The following EPB41L4A variants were observed in gnomAD, a reference collection of about 807,000 sequenced individuals.
EPB41L4A encodes the protein erythrocyte membrane protein band 4.1 like 4A, also known as band 4.1-like protein 4A.
In EPB41L4A, 100 loss-of-function variants were observed where a neutral mutation model predicts 108.6. The observed-to-expected ratio is 0.92, with a 90% confidence interval of 0.78 to 1.09. The LOEUF (loss-of-function observed/expected upper bound fraction) is 1.09, where lower values mean the gene tolerates loss of function less well. Ranked by LOEUF, EPB41L4A falls within the 50% of genes least tolerant of loss-of-function variation. EPB41L4A has a pLI of 0.00. For missense variants in EPB41L4A, 1,030 were observed against 842.7 expected (o/e 1.22, Z -2.75); for synonymous variants, 319 against 289.0 (o/e 1.10, Z -1.05).
At chr5:112,415,033 CTT>C (rs1186536118) in intron 1 of EPB41L4A, among the ~76,000 whole-genome samples, 2 of 152,170 alleles carry the variant, frequency 1.3e-5, no homozygotes, top group Non-Finnish European at 2.9e-5. Flanking sequence ...CACATATAAA[CTT>C]AATATAATTT....
chr5:112,277,384 T>C (rs1580592164), intron 3 of EPB41L4A, among the ~76,000 whole-genome samples: 1 of 152,358 alleles, frequency 6.6e-6, no homozygotes, highest in East Asian at 1.9e-4. Context: ...AACATTAGGT[T>C]TTGGCTAATT....
At chr5:112,205,014 T>A (rs1762404424) in intron 14 of EPB41L4A, among the ~76,000 whole-genome samples, 1 of 152,186 alleles carries the variant, frequency 6.6e-6, no homozygotes, top group Non-Finnish European at 1.5e-5. Flanking sequence ...TGACCAGAGA[T>A]ACACTAGACA....
intron 1 of EPB41L4A, among the ~76,000 whole-genome samples, chr5:112,409,923 A>G (rs1403514792): frequency 6.6e-6 from 1 of 152,228 alleles, no homozygotes; most frequent in Non-Finnish European, 1.5e-5. Flanking sequence ...AGATTTGTCT[A>G]TGACAAAAGC....
chr5:112,347,143 A>G (rs1427420367), intron 1 of EPB41L4A, among the ~76,000 whole-genome samples: 1 of 152,218 alleles, frequency 6.6e-6, no homozygotes, highest in Non-Finnish European at 1.5e-5. Flanking sequence ...TCAGCTAACC[A>G]CAAAAGTGGG....
At chr5:112,222,669 C>T (rs1240365153) in intron 12 of EPB41L4A, among the ~76,000 whole-genome samples, 1 of 152,230 alleles carries the variant, frequency 6.6e-6, no homozygotes, top group African/African-American at 2.4e-5. Flanking sequence ...CTGTTCAAAG[C>T]TGTACCTGGT....
intron 9 of EPB41L4A, among the ~76,000 whole-genome samples, chr5:112,243,057 T>C (rs1345240929): frequency 6.6e-6 from 1 of 151,794 alleles, no homozygotes; most frequent in Non-Finnish European, 1.5e-5. Context: ...CTACTAAAAA[T>C]ACAGAAATTA....
In EPB41L4A at chr5:112,240,734, T is replaced by C; in HGVS notation, c.872A>G (p.His291Arg). 1 of 1,557,120 alleles carries C rather than the reference T, an allele frequency of 6.4e-7. No individual in the cohort carries two copies. The highest frequency in any genetic ancestry group is 1.4e-5 in the African/African-American group (1 of 71,220). ...CKHLWKCSVE[H>R]HTFFRMPENE... ...ATCAATTTACCTAAAAAATGTATGA[T>C]GTTCCACACTGCACTTCCAGAGGTG... The change falls in exon 10 of 23, where the codon CAT becomes CGT. Residue 291 changes from histidine to arginine, a missense_variant. His to Arg is a conservative substitution (Grantham distance 29). Transcript: ENST00000261486.
At chr5:112,222,637 CT>C (rs1447713924) in intron 12 of EPB41L4A, among the ~76,000 whole-genome samples, 7 of 152,236 alleles carry the variant, frequency 4.6e-5, no homozygotes, top group Admixed American at 1.3e-4. Context: ...CTCCATTCTT[CT>C]TTCTCTGCAA....
chr5:112,190,105 T>TTA, intron 17 of EPB41L4A, among the ~76,000 whole-genome samples: 1 of 152,156 alleles, frequency 6.6e-6, no homozygotes, highest in Non-Finnish European at 1.5e-5. Flanking sequence ...TAGATTAACT[T>TTA]TATAGTGCCT....
intron 9 of EPB41L4A, among the ~76,000 whole-genome samples, chr5:112,245,748 C>T (rs1479541790): frequency 1.3e-5 from 2 of 152,208 alleles, no homozygotes; most frequent in East Asian, 3.8e-4. Context: ...TCTACTCACA[C>T]AGGTGATCTC....
chr5:112,280,423 A>T (rs1668676122), intron 2 of EPB41L4A, 100 bp from the exon 3 acceptor site: 9 of 1,135,638 alleles, frequency 7.9e-6, no homozygotes, highest in Non-Finnish European at 1.1e-5. Context: ...ACATTTTAAA[A>T]CTTGGTCAGT....
intron 12 of EPB41L4A, among the ~76,000 whole-genome samples, chr5:112,147,952 T>C (rs1309081682): frequency 6.7e-6 from 1 of 150,262 alleles, no homozygotes; most frequent in Non-Finnish European, 1.5e-5. Flanking sequence ...GGCAGGAGAA[T>C]TGCATGAACC....
At chr5:112,264,794 A>G in intron 6 of EPB41L4A, 102 bp downstream of exon 6, 1 of 1,170,700 alleles carries the variant, frequency 8.5e-7, no homozygotes, top group Non-Finnish European at 1.2e-6. Context: ...AGAATATTAA[A>G]TGCACAGGTG....
At chr5:112,156,447 G>A (rs185111550) in intron 12 of EPB41L4A, among the ~76,000 whole-genome samples, 28 of 152,168 alleles carry the variant, frequency 1.8e-4, no homozygotes, top group African/African-American at 6.0e-4. Flanking sequence ...GAAGATTAAC[G>A]TTCCAGCTGA....
chr5:112,355,898 A>C (rs1423259115), intron 1 of EPB41L4A, among the ~76,000 whole-genome samples: 1 of 152,184 alleles, frequency 6.6e-6, no homozygotes, highest in Non-Finnish European at 1.5e-5. Flanking sequence ...AGTCAAAGTA[A>C]AGTTTACTGT....
intron 12 of EPB41L4A, among the ~76,000 whole-genome samples, chr5:112,214,492 G>T (rs373684886): frequency 6.6e-6 from 1 of 151,690 alleles, no homozygotes; most frequent in Non-Finnish European, 1.5e-5. Flanking sequence ...AGCCGGGCGC[G>T]GCGGCTCACG....
At chr5:112,315,236 T>C (rs150135972) in intron 1 of EPB41L4A, among the ~76,000 whole-genome samples, 2 of 152,312 alleles carry the variant, frequency 1.3e-5, no homozygotes, top group Non-Finnish European at 1.5e-5. Context: ...ACCTACCAAG[T>C]TTCTTATTTT....
At position 112,162,784 on chromosome 5, in the gene EPB41L4A, G is replaced by GATA. The variant is rs1759988639; in HGVS notation, c.*2205_*2206insTAT. ...TGAGTTCCGTGATAGGATTTTCTTA[G>GATA]GGAAACCTGAGAAAGAGTTGAGACT... is the stretch of plus-strand genomic sequence containing the variant. On this transcript the variant is annotated 3_prime_UTR_variant, in exon 23 of 23. Transcript: ENST00000261486. 6.6e-6 allele frequency: 1 copy of GATA among 152,182 alleles called. No individual in the cohort carries two copies. Among genetic ancestry groups the GATA allele is most frequent in the Non-Finnish European group, 1.5e-5 (1 of 68,042 alleles). The allele number at this position is 152,182 out of a possible 1,614,324, so 9.4% of individuals were successfully genotyped here. A position where few individuals can be genotyped will look rare whatever the true frequency, so the allele number is the denominator to read the frequency against.
Position 112,402,161 on chromosome 5 carries a change from TAGTG to T in EPB41L4A, c.99+16776_99+16779del, listed in dbSNP as rs754418262. On this transcript the variant is annotated intron_variant, in intron 1 of 22. Coordinates refer to ENST00000261486, the MANE Select transcript of EPB41L4A (RefSeq NM_022140.5). The stretch of plus-strand genomic sequence containing the variant: ...AATTTCTCCCTTGCTGTTCTCATGA[TAGTG>T]AGTGAGTTCTCACTGGTTGTTTAAA... Among the ~76,000 whole-genome samples the T allele has an allele frequency of 2.0e-5, 3 of 152,146 alleles. No homozygotes were observed. In the South Asian group the frequency reaches 6.2e-4, roughly 32 times the overall value.
Sources: allele counts gnomAD v4.1 joint callset (sites outside exome capture counted in the v4.1 genomes callset), GRCh38; gene constraint gnomAD v4.1.1; transcripts MANE v1.5; gene names NCBI Gene and HGNC (gene_info 2026-07-23, HGNC 2026-07-21).